LDAH: variants seen among roughly 807,000 people sequenced by gnomAD.
The protein encoded by LDAH is lipid droplet associated hydrolase.
A neutral mutation model predicts 29.6 loss-of-function variants in LDAH; 26 were observed. The ratio of observed to expected loss-of-function variants is 0.88; its 90% CI spans 0.64 to 1.22. LDAH has a LOEUF of 1.22. Among genes scored for constraint, LDAH ranks in the 50% most tolerant of loss-of-function variants. LDAH has a pLI of 0.00. For missense variants in LDAH, 344 were observed against 387.3 expected (o/e 0.89, Z 0.94); for synonymous variants, 117 against 133.0 (o/e 0.88, Z 0.83).
rs200830259 is a variant in LDAH, at chr2:20,790,240, T to C, written c.298+15A>G. On this transcript the variant is annotated intron_variant, in intron 3 of 6. Transcript: ENST00000237822. ...CACTCACTCTAAAGGAAAGTAGATA[T>C]TAACAAGGACATACCCTCTGATGTT... 2.1e-3 allele frequency: 3,360 copies of C among 1,613,418 alleles called. 106 individuals are homozygous for C. The South Asian group carries it at 0.034, about 16-fold the overall frequency.
chr2:20,699,767 T>A (rs531622016), intron 6 of LDAH, among the ~76,000 whole-genome samples: 3 of 152,332 alleles, frequency 2.0e-5, no homozygotes, highest in Admixed American at 2.0e-4. Context: ...TACACCCCCG[T>A]ATTTCCCCAT....
Position 20,797,258 on chromosome 2 carries a change from G to A in LDAH, c.154+4052C>T, listed in dbSNP as rs78684817. Among the ~76,000 whole-genome samples, 8 of 152,286 alleles carry A rather than the reference G, an allele frequency of 5.3e-5. No homozygotes were observed. In the East Asian group the frequency reaches 1.5e-3, roughly 29 times the overall value. On this transcript the variant is annotated intron_variant, in intron 2 of 6. Coordinates refer to ENST00000237822, the MANE Select transcript of LDAH (RefSeq NM_021925.4). The stretch of plus-strand genomic sequence containing the variant: ...AATCTTAGTCCAGCTGAGAATGAAA[G>A]TACCATACTGAGAAGAGGCTGGACT...
intron 4 of LDAH, among the ~76,000 whole-genome samples, chr2:20,763,295 C>T (rs1039738493): frequency 8.5e-5 from 13 of 152,164 alleles, no homozygotes; most frequent in Non-Finnish European, 1.6e-4. Flanking sequence ...GAGCTGACAT[C>T]ACAGAAAGAC....
At chr2:20,812,940 C>T (rs989804335) in intron 1 of LDAH, among the ~76,000 whole-genome samples, 1 of 152,114 alleles carries the variant, frequency 6.6e-6, no homozygotes, top group Non-Finnish European at 1.5e-5. Context: ...CATCCTCCCA[C>T]CCCAAGAAAA....
chr2:20,756,183 C>CG (rs1231770871), intron 4 of LDAH, among the ~76,000 whole-genome samples: 2 of 151,976 alleles, frequency 1.3e-5, no homozygotes, highest in African/African-American at 4.8e-5. Flanking sequence ...TACAAGTGTG[C>CG]GCCACCATGC....
chr2:20,726,544 G>C (rs1225587913), intron 5 of LDAH, among the ~76,000 whole-genome samples: 1 of 152,182 alleles, frequency 6.6e-6, no homozygotes, highest in Non-Finnish European at 1.5e-5. Context: ...AAACCCAGAT[G>C]AAACCTTCTT....
Position 20,686,677 on chromosome 2 carries a change from T to A in LDAH, c.*226A>T. ...AAACACAAGACTCTGTGTAGATCAC[T>A]GTGTTCCCTGAGTCTTGGAAAATGT... On this transcript the variant is annotated 3_prime_UTR_variant, in exon 7 of 7. Coordinates refer to ENST00000237822, the MANE Select transcript of LDAH (RefSeq NM_021925.4). The A allele has an allele frequency of 2.9e-6, 1 of 340,992 alleles. No homozygotes were observed. The allele number at this position is 340,992 out of a possible 1,614,324, so 21.1% of individuals were successfully genotyped here.
At chr2:20,708,956 A>G (rs571312054) in intron 5 of LDAH, among the ~76,000 whole-genome samples, 117 of 152,364 alleles carry the variant, frequency 7.7e-4, no homozygotes, top group African/African-American at 2.8e-3. Flanking sequence ...AAGAACTCTT[A>G]CAAATCAATA....
At chr2:20,705,638 G>C (rs147945307) in intron 5 of LDAH, among the ~76,000 whole-genome samples, 57 of 152,162 alleles carry the variant, frequency 3.7e-4, no homozygotes, top group Admixed American at 9.2e-4. Flanking sequence ...ATTGTCTAGT[G>C]GGGGAGAGAA....
intron 5 of LDAH, 34 bp from the exon 6 acceptor site, chr2:20,701,686 AAT>A (rs746299348): frequency 1.7e-5 from 26 of 1,545,670 alleles, no homozygotes; most frequent in Non-Finnish European, 2.1e-5. Context: ...AAACATTTAG[AAT>A]ATATAGAACA....
rs1224889230 is a variant in LDAH at position 20,685,927 on chromosome 2, A to G, written c.*976T>C. The stretch of plus-strand genomic sequence containing the variant: ...GTTAATGTATGGCAATGTTTTACTG[A>G]GCAGTTTAAAAGAAGCTTTTAAAAA... On this transcript the variant is annotated 3_prime_UTR_variant, in exon 7 of 7. Coordinates refer to ENST00000237822, the MANE Select transcript of LDAH (RefSeq NM_021925.4). 5.9e-6 allele frequency: 2 copies of G among 336,450 alleles called. No homozygotes were observed. The highest frequency in any genetic ancestry group is 1.1e-5 in the Non-Finnish European group (2 of 186,264). 20.8% of individuals were successfully genotyped at this position (336,450 alleles called of 1,614,324 possible).
chr2:20,708,750 CT>C (rs1664490342), intron 5 of LDAH, among the ~76,000 whole-genome samples: 1 of 152,156 alleles, frequency 6.6e-6, no homozygotes, highest in Non-Finnish European at 1.5e-5. Context: ...AGAAATACAT[CT>C]TTGTGACCTT....
At chr2:20,748,319 A>G (rs1238151841) in intron 4 of LDAH, among the ~76,000 whole-genome samples, 3 of 152,198 alleles carry the variant, frequency 2.0e-5, no homozygotes, top group Non-Finnish European at 4.4e-5. Flanking sequence ...TAATACTTTT[A>G]ATCTTCATGT....
At chr2:20,797,246 C>A (rs1425378595) in intron 2 of LDAH, among the ~76,000 whole-genome samples, 1 of 152,182 alleles carries the variant, frequency 6.6e-6, no homozygotes, top group Non-Finnish European at 1.5e-5. Context: ...CTTAGTCCAG[C>A]TGAGAATGAA....
chr2:20,684,515 C>G lies in LDAH; in HGVS notation c.*2388G>C, dbSNP rs1215084545. On this transcript the variant is annotated 3_prime_UTR_variant, in exon 7 of 7. Transcript: ENST00000237822. ...TCATCCTCCCAAGGTGCTGGGATCA[C>G]AGGTGTGAGCTACGGCACCCAGCCT... The G allele has an allele frequency of 6.1e-6, 1 of 164,670 alleles. No homozygotes were observed. Among genetic ancestry groups the G allele is most frequent in the Admixed American group, 6.4e-5 (1 of 15,606 alleles). 10.2% of individuals were successfully genotyped at this position (164,670 alleles called of 1,614,324 possible).
At chr2:20,704,305 A>C (rs1283817583) in intron 5 of LDAH, among the ~76,000 whole-genome samples, 3 of 152,238 alleles carry the variant, frequency 2.0e-5, no homozygotes, top group African/African-American at 7.2e-5. Flanking sequence ...CAGGATATTT[A>C]GTCGCAGTTA....
At chr2:20,724,878 C>A (rs1017065398) in intron 5 of LDAH, among the ~76,000 whole-genome samples, 28 of 152,090 alleles carry the variant, frequency 1.8e-4, no homozygotes, top group Admixed American at 1.4e-3. Context: ...ATTAGAATGC[C>A]CCAGTTTGTT....
chr2:20,815,658 G>A (rs1672797884), intron 1 of LDAH, among the ~76,000 whole-genome samples: 1 of 151,992 alleles, frequency 6.6e-6, no homozygotes, highest in Non-Finnish European at 1.5e-5. Flanking sequence ...GAACTGTCAA[G>A]GCCAAATTCC....
intron 3 of LDAH, among the ~76,000 whole-genome samples, chr2:20,785,179 C>T (rs1000291137): frequency 2.6e-5 from 4 of 152,200 alleles, no homozygotes; most frequent in African/African-American, 9.6e-5. Flanking sequence ...AGTTTCTAAT[C>T]TCTATCGCTT....
Sources: allele counts gnomAD v4.1 joint callset (sites outside exome capture counted in the v4.1 genomes callset), GRCh38; gene constraint gnomAD v4.1.1; transcripts MANE v1.5; gene names NCBI Gene and HGNC (gene_info 2026-07-23, HGNC 2026-07-21).